The following DAPP1 variants were observed in gnomAD, a reference collection of about 807,000 sequenced individuals.
The protein encoded by DAPP1 is dual adaptor of phosphotyrosine and 3-phosphoinositides 1, also known as dual adapter for phosphotyrosine and 3-phosphotyrosine and 3-phosphoinositide.
DAPP1 carries 20 observed loss-of-function variants against 41.5 expected under a neutral mutation model. That is an observed-to-expected ratio of 0.48 (90% CI 0.34 to 0.70). The LOEUF (loss-of-function observed/expected upper bound fraction) is 0.70, where lower values mean the gene tolerates loss of function less well. DAPP1 is among the 30% of genes least tolerant of loss of function. The probability of loss-of-function intolerance (pLI) is 0.01; values close to 1 mark genes in which losing one functional copy is unlikely to be tolerated. For synonymous variants in DAPP1, 113 were observed against 116.2 expected (o/e 0.97, Z 0.18); for missense variants, 233 against 333.4 (o/e 0.70, Z 2.35).
intron 1 of DAPP1, among the ~76,000 whole-genome samples, chr4:99,821,127 G>GTCTGT (rs1237874249): frequency 6.6e-6 from 1 of 152,192 alleles, no homozygotes; most frequent in Non-Finnish European, 1.5e-5. Flanking sequence ...GTCTCTGAGT[G>GTCTGT]TCTGTGTTCA....
At chr4:99,863,718 G>GT (rs61359294) in intron 6 of DAPP1, 52 bp from the exon 7 acceptor site, 176,163 of 854,332 alleles carry the variant, frequency 0.21, 488 homozygotes, top group East Asian at 0.27. Context: ...AGATTTGTCT[G>GT]TTTTTTTTTT....
chr4:99,834,891 G>A (rs1455660529), intron 1 of DAPP1, among the ~76,000 whole-genome samples: 3 of 152,046 alleles, frequency 2.0e-5, no homozygotes, highest in Non-Finnish European at 4.4e-5. Context: ...CTCTTCCTGT[G>A]GCTTGGAAGT....
At chr4:99,840,086 T>G (rs1450481423) in intron 2 of DAPP1, among the ~76,000 whole-genome samples, 12 of 152,130 alleles carry the variant, frequency 7.9e-5, no homozygotes, top group South Asian at 6.2e-4. Context: ...ATAAATGAAT[T>G]AATTAATTAA....
intron 1 of DAPP1, among the ~76,000 whole-genome samples, chr4:99,819,277 C>T (rs1863608): frequency 0.57 from 86,023 of 151,996 alleles, 25,284 homozygotes; most frequent in African/African-American, 0.74. Flanking sequence ...GCATACTCAA[C>T]AGTGTGCTGG....
chr4:99,844,657 CACCTA>C (rs1269563862), intron 3 of DAPP1: 1 of 152,108 alleles, frequency 6.6e-6, no homozygotes, highest in Non-Finnish European at 1.5e-5. Flanking sequence ...TGACTGTAAT[CACCTA>C]ACAGGCATGA....
At chr4:99,828,173 C>T (rs1723004916) in intron 1 of DAPP1, among the ~76,000 whole-genome samples, 2 of 152,166 alleles carry the variant, frequency 1.3e-5, no homozygotes, top group African/African-American at 4.8e-5. Flanking sequence ...GACAAGATCC[C>T]AGGTGATGCT....
intron 7 of DAPP1, 134 bp from the exon 8 acceptor site, chr4:99,865,900 A>AATATATATATATATATATAT (rs58862847): frequency 1.4e-5 from 1 of 69,974 alleles, no homozygotes; most frequent in Admixed American, 2.4e-4. Context: ...GTGTTCAACT[A>AATATATATATATATATATAT]ATATATATAT....
At chr4:99,870,288 G>A (rs1578197705), downstream of DAPP1, 1 of 151,490 alleles carries the variant, frequency 6.6e-6, no homozygotes, top group Admixed American at 6.6e-5. Context: ...AATAGTCCAA[G>A]GCCTCAAGGA....
At chr4:99,862,610 T>C (rs1048061390) in intron 5 of DAPP1, among the ~76,000 whole-genome samples, 1 of 152,184 alleles carries the variant, frequency 6.6e-6, no homozygotes, top group Non-Finnish European at 1.5e-5. Flanking sequence ...TTTATCTTTA[T>C]TATAGAGTTA....
chr4:99,859,633 A>G (rs1215219848), intron 4 of DAPP1, among the ~76,000 whole-genome samples: 2 of 152,174 alleles, frequency 1.3e-5, no homozygotes, highest in African/African-American at 4.8e-5. Flanking sequence ...TCAATTGAAT[A>G]TAAGCAATCT....
At chr4:99,821,748 T>C (rs892794910) in intron 1 of DAPP1, among the ~76,000 whole-genome samples, 23 of 152,254 alleles carry the variant, frequency 1.5e-4, no homozygotes, top group African/African-American at 5.5e-4. Flanking sequence ...TACATGTTCA[T>C]AGTTCTTAAT....
chr4:99,834,442 T>C (rs537660331), intron 1 of DAPP1, among the ~76,000 whole-genome samples: 45 of 152,278 alleles, frequency 3.0e-4, no homozygotes, highest in African/African-American at 1.0e-3. Flanking sequence ...AACACAAATA[T>C]CATTTTGAAT....
At chr4:99,826,281 CAG>C (rs1214766790) in intron 1 of DAPP1, among the ~76,000 whole-genome samples, 3 of 152,102 alleles carry the variant, frequency 2.0e-5, no homozygotes, top group African/African-American at 7.2e-5. Flanking sequence ...AGAGGGGTGT[CAG>C]TGTCATATAA....
intron 3 of DAPP1, among the ~76,000 whole-genome samples, chr4:99,848,235 T>TA (rs1376163230): frequency 6.6e-6 from 1 of 150,982 alleles, no homozygotes; most frequent in Non-Finnish European, 1.5e-5. Flanking sequence ...GCAGAATTTT[T>TA]TTTTTTTTTT....
At chr4:99,842,609 GGGAAACAAGA>G (rs1723530002) in intron 3 of DAPP1, among the ~76,000 whole-genome samples, 1 of 152,194 alleles carries the variant, frequency 6.6e-6, no homozygotes, top group Non-Finnish European at 1.5e-5. Flanking sequence ...AATAGGCCTT[GGGAAACAAGA>G]TAATGTGCTC....
chr4:99,855,410 A>G (rs1178721618), intron 4 of DAPP1, among the ~76,000 whole-genome samples: 1 of 152,242 alleles, frequency 6.6e-6, no homozygotes, highest in Non-Finnish European at 1.5e-5. Context: ...TGAGCAGAAG[A>G]TATAGTATCC....
At chr4:99,832,708 A>G (rs1270039857) in intron 1 of DAPP1, among the ~76,000 whole-genome samples, 2 of 152,262 alleles carry the variant, frequency 1.3e-5, no homozygotes, top group Non-Finnish European at 2.9e-5. Context: ...TTTTTAAATT[A>G]TCATTAAAAC....
intron 3 of DAPP1, among the ~76,000 whole-genome samples, chr4:99,845,582 T>C (rs532579717): frequency 7.2e-5 from 11 of 152,368 alleles, no homozygotes; most frequent in Non-Finnish European, 1.2e-4. Context: ...GTCCTATCCC[T>C]CAGTCTCTTC....
At chr4:99,866,181 A>G in intron 8 of DAPP1, 60 bp downstream of exon 8, 2 of 929,224 alleles carry the variant, frequency 2.2e-6, no homozygotes, top group Non-Finnish European at 3.5e-6. Context: ...GATGATTTCA[A>G]ACATATTTCT....
Sources: gnomAD v4.1 joint callset for allele counts (sites outside exome capture counted in the v4.1 genomes callset) on GRCh38, gnomAD v4.1.1 for gene constraint, MANE v1.5 for transcripts, NCBI Gene and HGNC (gene_info 2026-07-23, HGNC 2026-07-21) for gene names.